Variants in C8orf33 observed in about 807,000 individuals in gnomAD.
C8orf33 encodes UPF0488 protein C8orf33.
Under a neutral mutation model 25.7 loss-of-function variants are expected in C8orf33, and 28 were observed. That is an observed-to-expected ratio of 1.09 (90% CI 0.81 to 1.49). C8orf33 has a LOEUF of 1.49. Ranked by LOEUF, C8orf33 falls within the 40% of genes most tolerant of loss-of-function variation. C8orf33 has a pLI of 0.00. For synonymous variants in C8orf33, 153 were observed against 115.9 expected, an observed-to-expected ratio of 1.32 and a Z score of -2.06; for missense variants, 369 against 294.4, an observed-to-expected ratio of 1.25 and a Z score of -1.85.
In C8orf33 at chr8:145,052,826, G is replaced by T. The variant is rs1350409581; in HGVS notation, c.247G>T (p.Val83Leu). ...NKKKTRNRAS[V>L]ANGGEKASEK... ...GAAGAAAACGCGGAACAGGGCCTCT[G>T]TGGCAAATGGAGGCGAGAAGGCCTC... Residue 83 changes from valine (V) to leucine (L), a missense_variant, in exon 2 of 5, where the codon GTG (valine) becomes TTG (leucine). By Grantham distance (32) the Val-to-Leu change is conservative. Coordinates refer to ENST00000331434, the MANE Select transcript of C8orf33 (RefSeq NM_023080.3). 1.9e-6 allele frequency: 3 copies of T among 1,614,048 alleles called. No individual in the cohort carries two copies. Among genetic ancestry groups the T allele is most frequent in the Non-Finnish European group, 2.5e-6 (3 of 1,180,034 alleles).
chr8:145,052,898 G>A lies in C8orf33; in HGVS notation c.318+1G>A, dbSNP rs540172235. 7 of 1,610,446 alleles carry A rather than the reference G, an allele frequency of 4.3e-6. No individual in the cohort carries two copies. In the East Asian group the frequency reaches 8.9e-5, roughly 21 times the overall value. On this transcript the variant is annotated splice_donor_variant, in intron 2 of 4. Coordinates refer to ENST00000331434, the MANE Select transcript of C8orf33 (RefSeq NM_023080.3). LOFTEE classifies it high-confidence loss of function. Reference sequence around the variant, plus strand: ...AGTTCCCCTAAGCGCTGAGGCCCAGGCAAGGGCGGGCTTCGGTCGGGAAGG... The same window carrying A: ...AGTTCCCCTAAGCGCTGAGGCCCAGACAAGGGCGGGCTTCGGTCGGGAAGG...
intron 2 of C8orf33, 79 bp downstream of exon 2, chr8:145,052,976 G>A (rs1835300490): frequency 1.2e-6 from 2 of 1,605,066 alleles, no homozygotes; most frequent in Non-Finnish European, 1.7e-6. Flanking sequence ...GGTCCGCGGA[G>A]TTAAGGCGGG....
chr8:145,055,945 A>G lies in C8orf33; in HGVS notation c.*1788A>G, dbSNP rs1835360061. On this transcript the variant is annotated 3_prime_UTR_variant, in exon 5 of 5. Coordinates refer to ENST00000331434, the MANE Select transcript of C8orf33 (RefSeq NM_023080.3). ...CCCCTTTGTCTTATATCCAATAAAT[A>G]TCAGTGCAGCCTGGCATTTGGGGCC... 1 of 215,158 alleles carries G rather than the reference A, an allele frequency of 4.6e-6. No homozygotes were observed. The highest frequency in any genetic ancestry group is 9.1e-6 in the Non-Finnish European group (1 of 109,822). 13.3% of individuals were successfully genotyped at this position (215,158 alleles called of 1,614,324 possible). A position where few individuals can be genotyped will look rare whatever the true frequency, so the allele number is the denominator to read the frequency against.
At position 145,053,461 on chromosome 8, in the gene C8orf33, G is replaced by T. The variant is rs374002129; in HGVS notation, c.550+18G>T. The stretch of plus-strand genomic sequence containing the variant: ...CAGAGCTGGTGAGGAGCTAGCCACT[G>T]GTTGATTCAGGAAGGCCTAACTTAA... On this transcript the variant is annotated intron_variant, in intron 4 of 4. Transcript: ENST00000331434. 19 of 1,613,016 alleles carry T rather than the reference G, an allele frequency of 1.2e-5. No homozygotes were observed. The highest frequency in any genetic ancestry group is 1.5e-5 in the Non-Finnish European group (18 of 1,179,560).
chr8:145,054,215 G>C lies in C8orf33; in HGVS notation c.*58G>C. On this transcript the variant is annotated 3_prime_UTR_variant, in exon 5 of 5. Coordinates refer to ENST00000331434, the MANE Select transcript of C8orf33 (RefSeq NM_023080.3). ...TTGGGGTGGTGTAGGGGTTTGTTTTGAGTGCAGAGCCTTTCCAGGACTTCT... is the reference window on the plus strand; with the variant it reads ...TTGGGGTGGTGTAGGGGTTTGTTTTCAGTGCAGAGCCTTTCCAGGACTTCT... 1 of 1,583,712 alleles carries C rather than the reference G, an allele frequency of 6.3e-7. No homozygotes were observed. The highest frequency in any genetic ancestry group is 8.6e-7 in the Non-Finnish European group (1 of 1,162,064).
Position 145,052,639 on chromosome 8 carries a change from C to G in C8orf33, c.60C>G (p.Pro20=). ...CGGCGGCCCCAGGCCCGGGTACTCCCTGCGCGTCCCGCGGAGCCCGGCTTC... is the reference window on the plus strand; with the variant it reads ...CGGCGGCCCCAGGCCCGGGTACTCCGTGCGCGTCCCGCGGAGCCCGGCTTC... ...EAAAAPGPGT[P]CASRGARLPG... is the part of the protein sequence containing the mutation. Residue 20 remains proline, a synonymous_variant, in exon 2 of 5, where the codon CCC becomes CCG. Coordinates refer to ENST00000331434, the MANE Select transcript of C8orf33 (RefSeq NM_023080.3). 1 of 1,612,146 alleles carries G rather than the reference C, an allele frequency of 6.2e-7. No homozygotes were observed. The highest frequency in any genetic ancestry group is 8.5e-7 in the Non-Finnish European group (1 of 1,179,954).
Position 145,054,121 on chromosome 8 carries a change from C to T in C8orf33, c.654C>T (p.Asp218=). 6.2e-7 allele frequency: 1 copy of T among 1,614,188 alleles called. No homozygotes were observed. The highest frequency in any genetic ancestry group is 1.3e-5 in the African/African-American group (1 of 75,038). ...TATGGAGAGCCAAAGCCACTCTGGACATGCCTGATGAAGAGTTTAGGTTCA... is the reference window on the plus strand; with the variant it reads ...TATGGAGAGCCAAAGCCACTCTGGATATGCCTGATGAAGAGTTTAGGTTCA... ...RSIWRAKATL[D]MPDEEFRFNF... The change falls in exon 5 of 5, where the codon GAC becomes GAT. Residue 218 remains aspartate, a synonymous_variant. Coordinates refer to ENST00000331434, the MANE Select transcript of C8orf33 (RefSeq NM_023080.3).
rs966703424 is a variant in C8orf33, at chr8:145,054,413, G to A, written c.*256G>A. 2.5e-5 allele frequency: 10 copies of A among 400,960 alleles called. No individual in the cohort carries two copies. Among genetic ancestry groups the A allele is most frequent in the Non-Finnish European group, 3.6e-5 (8 of 220,812 alleles). 24.8% of individuals were successfully genotyped at this position (400,960 alleles called of 1,614,324 possible). On this transcript the variant is annotated 3_prime_UTR_variant, in exon 5 of 5. Transcript: ENST00000331434. ...TTTAGAAAATATGCAATAAATTGAA[G>A]TGAGTGTTCAAAGTATTGTAGAAGG... is the stretch of plus-strand genomic sequence containing the variant.
At position 145,055,935 on chromosome 8, in the gene C8orf33, T is replaced by G. The variant is rs1835359916; in HGVS notation, c.*1778T>G. The G allele has an allele frequency of 4.8e-6, 1 of 210,040 alleles. No individual in the cohort carries two copies. The highest frequency in any genetic ancestry group is 9.3e-6 in the Non-Finnish European group (1 of 106,964). 13.0% of individuals were successfully genotyped at this position (210,040 alleles called of 1,614,324 possible). Reference sequence around the variant, plus strand: ...CCTTACCCTGCCCCTTTGTCTTATATCCAATAAATATCAGTGCAGCCTGGC... The same window carrying G: ...CCTTACCCTGCCCCTTTGTCTTATAGCCAATAAATATCAGTGCAGCCTGGC... On this transcript the variant is annotated 3_prime_UTR_variant, in exon 5 of 5. Transcript: ENST00000331434.
At position 145,053,070 on chromosome 8, in the gene C8orf33, G is replaced by T; in HGVS notation, c.327G>T (p.Gln109His). Residue 109 changes from glutamine to histidine, a missense_variant, in exon 3 of 5, where the codon CAG becomes CAT. Coordinates refer to ENST00000331434, the MANE Select transcript of C8orf33 (RefSeq NM_023080.3). ...VPLSAEAQAQ[Q>H]LAQELAWCVE... ...CCCCAAATCCATCACAGGCACAACAGTTGGCCCAGGAATTGGCTTGGTGTG... is the reference window on the plus strand; with the variant it reads ...CCCCAAATCCATCACAGGCACAACATTTGGCCCAGGAATTGGCTTGGTGTG... 2 of 1,614,188 alleles carry T rather than the reference G, an allele frequency of 1.2e-6. No homozygotes were observed. Among genetic ancestry groups the T allele is most frequent in the African/African-American group, 1.3e-5 (1 of 75,042 alleles).
In C8orf33 at chr8:145,056,010, GC is replaced by G; in HGVS notation, c.*1856del. The G allele has an allele frequency of 4.9e-6, 1 of 205,720 alleles. No homozygotes were observed. Among genetic ancestry groups the G allele is most frequent in the Non-Finnish European group, 9.5e-6 (1 of 105,462 alleles). The allele number at this position is 205,720 out of a possible 1,614,324, so 12.7% of individuals were successfully genotyped here. ...CGTCTTGGTGGTAGTGGTCCCCCAGGCCCAGGTGTCTTTTCTTTTATCTCTT... is the reference window on the plus strand; with the variant it reads ...CGTCTTGGTGGTAGTGGTCCCCCAGGCCAGGTGTCTTTTCTTTTATCTCTT... On this transcript the variant is annotated 3_prime_UTR_variant, in exon 5 of 5. Coordinates refer to ENST00000331434, the MANE Select transcript of C8orf33 (RefSeq NM_023080.3).
Position 145,055,005 on chromosome 8 carries a change from C to T in C8orf33, c.*848C>T, listed in dbSNP as rs1368881458. ...TAGATTGATACCTGGAGCCCAGCTG[C>T]CTACTCAGCATTTCCACTTGGGTGC... is the stretch of plus-strand genomic sequence containing the variant. On this transcript the variant is annotated 3_prime_UTR_variant, in exon 5 of 5. Coordinates refer to ENST00000331434, the MANE Select transcript of C8orf33 (RefSeq NM_023080.3). 6.6e-6 allele frequency: 1 copy of T among 152,194 alleles called. No individual in the cohort carries two copies. The highest frequency in any genetic ancestry group is 1.5e-5 in the Non-Finnish European group (1 of 68,044). The allele number at this position is 152,194 out of a possible 1,614,324, so 9.4% of individuals were successfully genotyped here. A position where few individuals can be genotyped will look rare whatever the true frequency, so the allele number is the denominator to read the frequency against.
In C8orf33 at chr8:145,054,694, C is replaced by T. The variant is rs1835332959; in HGVS notation, c.*537C>T. The T allele has an allele frequency of 6.5e-6, 1 of 153,108 alleles. No homozygotes were observed. Among genetic ancestry groups the T allele is most frequent in the Non-Finnish European group, 1.5e-5 (1 of 68,796 alleles). The allele number at this position is 153,108 out of a possible 1,614,324, so 9.5% of individuals were successfully genotyped here. ...GGGGTGTGGTATCCCTGGGTCCAGT[C>T]CCTCACCTGGTACCTTTGTGCATGT... is the stretch of plus-strand genomic sequence containing the variant. On this transcript the variant is annotated 3_prime_UTR_variant, in exon 5 of 5. Transcript: ENST00000331434.
Position 145,054,064 on chromosome 8 carries a change from G to C in C8orf33, c.597G>C (p.Lys199Asn). Residue 199 changes from lysine to asparagine, a missense_variant, in exon 5 of 5, where the codon AAG becomes AAC. By Grantham distance (94) the Lys-to-Asn change is moderately conservative. Coordinates refer to ENST00000331434, the MANE Select transcript of C8orf33 (RefSeq NM_023080.3). ...AACCTGTAGATGGAGCCACCAGAAA[G>C]AAGAGCCAAAGGGTCTGCAGGCCTC... ...QVQPVDGATR[K>N]KSQRVCRPRS... 1.9e-6 allele frequency: 3 copies of C among 1,614,206 alleles called. No homozygotes were observed. The highest frequency in any genetic ancestry group is 2.5e-6 in the Non-Finnish European group (3 of 1,180,036).
At chr8:145,053,272 A>G (rs754167071) in intron 3 of C8orf33, 25 bp from the exon 4 acceptor site, 2 of 1,613,802 alleles carry the variant, frequency 1.2e-6, no homozygotes, top group Non-Finnish European at 8.5e-7. Context: ...AGAGGTGTTC[A>G]CTAGTCCTTT....
rs1037824954 is a variant in C8orf33 at position 145,055,949 on chromosome 8, G to C, written c.*1792G>C. 9.2e-6 allele frequency: 2 copies of C among 217,958 alleles called. No individual in the cohort carries two copies. The highest frequency in any genetic ancestry group is 1.8e-5 in the Non-Finnish European group (2 of 111,522). The allele number at this position is 217,958 out of a possible 1,614,324, so 13.5% of individuals were successfully genotyped here. A position where few individuals can be genotyped will look rare whatever the true frequency, so the allele number is the denominator to read the frequency against. On this transcript the variant is annotated 3_prime_UTR_variant, in exon 5 of 5. Transcript: ENST00000331434. ...TTTGTCTTATATCCAATAAATATCA[G>C]TGCAGCCTGGCATTTGGGGCCACTA...
intron 1 of C8orf33, 34 bp downstream of exon 1, chr8:145,052,531 G>C: frequency 6.2e-7 from 1 of 1,600,584 alleles, no homozygotes; most frequent in Non-Finnish European, 8.5e-7. Flanking sequence ...CGGGTGGCTG[G>C]GCCTTGCATT....
Position 145,054,395 on chromosome 8 carries a change from A to G in C8orf33, c.*238A>G. On this transcript the variant is annotated 3_prime_UTR_variant, in exon 5 of 5. Coordinates refer to ENST00000331434, the MANE Select transcript of C8orf33 (RefSeq NM_023080.3). ...AAGAGAGAGAGAGGTGCATTTAGAAAATATGCAATAAATTGAAGTGAGTGT... is the reference window on the plus strand; with the variant it reads ...AAGAGAGAGAGAGGTGCATTTAGAAGATATGCAATAAATTGAAGTGAGTGT... 1 of 437,276 alleles carries G rather than the reference A, an allele frequency of 2.3e-6. No homozygotes were observed. The highest frequency in any genetic ancestry group is 4.0e-5 in the Admixed American group (1 of 25,134). The allele number at this position is 437,276 out of a possible 1,614,324, so 27.1% of individuals were successfully genotyped here. A position where few individuals can be genotyped will look rare whatever the true frequency, so the allele number is the denominator to read the frequency against.
rs1465856384 is a variant in C8orf33 at position 145,053,306 on chromosome 8, C to T, written c.413C>T (p.Ala138Val). The change falls in exon 4 of 5, where the codon GCT (alanine) becomes GTT (valine). Residue 138 changes from alanine to valine, a missense_variant. Ala to Val is a moderately conservative substitution (Grantham distance 64). Transcript: ENST00000331434. ...TTATTTTTATTCGCAGAAGAGCAGG[C>T]TATTGGAGCAATCCGAACCCTGCGC... ...QKPTPKQKEQ[A>V]IGAIRTLRSK... The T allele has an allele frequency of 2.5e-6, 4 of 1,614,172 alleles. No individual in the cohort carries two copies. The highest frequency in any genetic ancestry group is 3.4e-6 in the Non-Finnish European group (4 of 1,180,000).
Sources: allele counts gnomAD v4.1 joint callset, GRCh38; gene constraint gnomAD v4.1.1; transcripts MANE v1.5; gene names NCBI Gene and HGNC (gene_info 2026-07-23, HGNC 2026-07-21).